Variants in SLC22A25 observed in about 807,000 individuals in gnomAD.
The protein encoded by SLC22A25 is solute carrier family 22 member 25, also known as MGI:2442751, MGI:2385316, MGI:3042283, MGI:3645714, MGI:3605624, MGI:2442750.
SLC22A25 carries 44 observed loss-of-function variants against 45.9 expected under a neutral mutation model. That is an observed-to-expected ratio of 0.96 (90% CI 0.75 to 1.23). The LOEUF (loss-of-function observed/expected upper bound fraction) is 1.23. SLC22A25 is among the 50% of genes most tolerant of loss of function. SLC22A25 has a pLI of 0.00. For synonymous variants in SLC22A25, 283 were observed against 238.6 expected (o/e 1.19, Z -1.72); for missense variants, 800 against 666.4 (o/e 1.20, Z -2.21).
chr11:63,215,692 T>TTTG (rs1175916962), intron 7 of SLC22A25, among the ~76,000 whole-genome samples: 1 of 152,152 alleles, frequency 6.6e-6, no homozygotes, highest in East Asian at 1.9e-4. Flanking sequence ...ATTATGGAAG[T>TTTG]TTGTTGTACA....
intron 7 of SLC22A25, among the ~76,000 whole-genome samples, chr11:63,188,807 A>G (rs1232682822): frequency 6.6e-6 from 1 of 152,134 alleles, no homozygotes. Flanking sequence ...TTATGTACTC[A>G]GTAGTCATTC....
intron 3 of SLC22A25, among the ~76,000 whole-genome samples, chr11:63,231,019 A>ATG (rs557651344): frequency 1.3e-3 from 196 of 152,332 alleles, no homozygotes; most frequent in African/African-American, 4.3e-3. Context: ...CATGGTGTAT[A>ATG]TGTGGCACAT....
chr11:63,181,153 T>G (rs992124933), intron 8 of SLC22A25, among the ~76,000 whole-genome samples: 2 of 152,056 alleles, frequency 1.3e-5, no homozygotes, highest in Admixed American at 1.3e-4. Flanking sequence ...TGAACTGCCT[T>G]TGGTGAAAAA....
intron 7 of SLC22A25, among the ~76,000 whole-genome samples, chr11:63,209,070 T>A (rs1442271321): frequency 6.6e-6 from 1 of 152,208 alleles, no homozygotes; most frequent in Non-Finnish European, 1.5e-5. Flanking sequence ...TAGATTGGCC[T>A]GCTTTCAATG....
chr11:63,220,632 T>C (rs1160207204), intron 5 of SLC22A25, among the ~76,000 whole-genome samples: 1 of 152,178 alleles, frequency 6.6e-6, no homozygotes, highest in African/African-American at 2.4e-5. Flanking sequence ...CCAATTATAC[T>C]CTTTTAGTTA....
chr11:63,214,964 A>T (rs2134810423), intron 7 of SLC22A25, among the ~76,000 whole-genome samples: 1 of 152,284 alleles, frequency 6.6e-6, no homozygotes, highest in South Asian at 2.1e-4. Context: ...ACAAATAGGA[A>T]CACTTTTACA....
chr11:63,202,632 C>G (rs969528733), intron 7 of SLC22A25, among the ~76,000 whole-genome samples: 1 of 152,204 alleles, frequency 6.6e-6, no homozygotes, highest in African/African-American at 2.4e-5. Flanking sequence ...CAGGGCATCT[C>G]TAAAAGAAAG....
chr11:63,197,160 C>T (rs1265305569), intron 7 of SLC22A25, among the ~76,000 whole-genome samples: 6 of 152,124 alleles, frequency 3.9e-5, no homozygotes, highest in East Asian at 1.9e-4. Context: ...GAATCAGTAT[C>T]GTGAAGATGG....
At chr11:63,164,678 A>G in intron 10 of SLC22A25, 44 bp from the exon 11 acceptor site, 3 of 1,457,594 alleles carry the variant, frequency 2.1e-6, no homozygotes, top group East Asian at 4.5e-5. Context: ...TCTGAGCTGA[A>G]GGAATCAGCA....
intron 9 of SLC22A25, among the ~76,000 whole-genome samples, chr11:63,175,350 A>G (rs1314547264): frequency 1.3e-5 from 2 of 152,060 alleles, no homozygotes; most frequent in Admixed American, 6.6e-5. Context: ...TTTGACTTGC[A>G]TGTTCCTGAC....
At chr11:63,223,311 G>A (rs368198336) in intron 5 of SLC22A25, among the ~76,000 whole-genome samples, 4 of 151,858 alleles carry the variant, frequency 2.6e-5, no homozygotes, top group African/African-American at 9.7e-5. Context: ...ACTTGTTATT[G>A]GTCTGTTCTG....
intron 3 of SLC22A25, among the ~76,000 whole-genome samples, chr11:63,232,789 T>C (rs1441142031): frequency 6.6e-6 from 1 of 152,222 alleles, no homozygotes; most frequent in Non-Finnish European, 1.5e-5. Flanking sequence ...ATAGCTCTTA[T>C]TATTTTGAGA....
At position 63,198,738 on chromosome 11, in the gene SLC22A25, C is replaced by G. The variant is rs118122085; in HGVS notation, c.831-14921G>C. Among the ~76,000 whole-genome samples, 178 of 151,810 alleles carry G rather than the reference C, an allele frequency of 1.2e-3. 5 individuals carry two copies. In the East Asian group the frequency reaches 0.03, roughly 26 times the overall value. The stretch of plus-strand genomic sequence containing the variant: ...ATAATAAAAAAAAGAAAAAAGAAAT[C>G]AAGACAAGAAATTTATTCAAAATCA... On this transcript the variant is annotated intron_variant, in intron 7 of 11. Transcript: ENST00000306494.
intron 9 of SLC22A25, among the ~76,000 whole-genome samples, chr11:63,179,752 C>A (rs2088251193): frequency 6.6e-6 from 1 of 152,152 alleles, no homozygotes; most frequent in Admixed American, 6.6e-5. Flanking sequence ...CCTTTCCCTC[C>A]TGAGGGAGAA....
chr11:63,193,905 A>G (rs555419150), intron 7 of SLC22A25, among the ~76,000 whole-genome samples: 1 of 152,332 alleles, frequency 6.6e-6, no homozygotes, highest in East Asian at 1.9e-4. Flanking sequence ...CAAGGAAGCT[A>G]AAAACCTTGA....
At chr11:63,168,397 A>C (rs1026706051) in intron 9 of SLC22A25, among the ~76,000 whole-genome samples, 82 of 152,282 alleles carry the variant, frequency 5.4e-4, no homozygotes, top group Non-Finnish European at 1.1e-3. Flanking sequence ...TTCTAACCCA[A>C]TGCAAGGAAG....
At chr11:63,228,901 T>C (rs1036053192) in intron 4 of SLC22A25, among the ~76,000 whole-genome samples, 2 of 152,238 alleles carry the variant, frequency 1.3e-5, no homozygotes, top group Admixed American at 1.3e-4. Flanking sequence ...AGATATAGTC[T>C]GGACTTGGAG....
At chr11:63,184,214 C>G (rs373276950) in intron 7 of SLC22A25, among the ~76,000 whole-genome samples, 1 of 152,092 alleles carries the variant, frequency 6.6e-6, no homozygotes, top group African/African-American at 2.4e-5. Flanking sequence ...ATGCTTGAGG[C>G]CTCATAGAGA....
intron 5 of SLC22A25, among the ~76,000 whole-genome samples, chr11:63,218,925 T>C (rs1330989300): frequency 6.6e-6 from 1 of 152,160 alleles, no homozygotes; most frequent in African/African-American, 2.4e-5. Context: ...AGAAAAATAA[T>C]TGTTCTACCA....
Sources: gnomAD v4.1 joint callset for allele counts (sites outside exome capture counted in the v4.1 genomes callset) on GRCh38, gnomAD v4.1.1 for gene constraint, MANE v1.5 for transcripts, NCBI Gene and HGNC (gene_info 2026-07-23, HGNC 2026-07-21) for gene names.